Variants in RBFOX1 observed in about 807,000 individuals in gnomAD.
The protein encoded by RBFOX1 is RNA binding protein fox-1 homolog 1.
In RBFOX1, 8 loss-of-function variants were observed where a neutral mutation model predicts 57.7. That is an observed-to-expected ratio of 0.14 (90% CI 0.08 to 0.25). RBFOX1 has a LOEUF of 0.25. RBFOX1 is among the 10% of genes least tolerant of loss of function. The pLI, the probability that RBFOX1 is intolerant of heterozygous loss-of-function variation, is 1.00. For synonymous variants in RBFOX1, 326 were observed against 222.4 expected (o/e 1.47, Z -4.15); for missense variants, 611 against 548.5 (o/e 1.11, Z -1.14).
chr16:6,383,298 G>C (rs1046320887), intron 2 of RBFOX1, among the ~76,000 whole-genome samples: 1 of 152,210 alleles, frequency 6.6e-6, no homozygotes, highest in African/African-American at 2.4e-5. Context: ...CTTGGCATCA[G>C]TTGACTCTCC....
intron 3 of RBFOX1, among the ~76,000 whole-genome samples, chr16:6,950,134 T>C (rs1384507793): frequency 6.8e-6 from 1 of 148,020 alleles, no homozygotes; most frequent in Non-Finnish European, 1.5e-5. Context: ...TTTTTTTTTT[T>C]TTAAGTAGCC....
At chr16:6,629,020 A>T (rs770909418) in intron 2 of RBFOX1, among the ~76,000 whole-genome samples, 5 of 152,092 alleles carry the variant, frequency 3.3e-5, no homozygotes, top group African/African-American at 1.2e-4. Flanking sequence ...ACAGAGTAAG[A>T]CTCCATCTCA....
intron 11 of RBFOX1, among the ~76,000 whole-genome samples, chr16:7,637,260 C>A (rs1405791386): frequency 6.0e-5 from 8 of 133,806 alleles, no homozygotes; most frequent in African/African-American, 2.4e-4. Flanking sequence ...ACCCTGATAC[C>A]CTTCCCTCCT....
chr16:7,461,167 G>A (rs12932510), intron 4 of RBFOX1, among the ~76,000 whole-genome samples: 146,781 of 152,216 alleles, frequency 0.96, 70,805 homozygotes, highest in East Asian at 1. Context: ...AAAAACAAAG[G>A]CAAAACAATT....
At chr16:6,870,203 A>G in intron 3 of RBFOX1, among the ~76,000 whole-genome samples, 1 of 152,236 alleles carries the variant, frequency 6.6e-6, no homozygotes, top group Non-Finnish European at 1.5e-5. Context: ...TTTCATCTAG[A>G]ATTTTGCAGG....
At chr16:6,089,941 AT>A (rs1473349664) in intron 1 of RBFOX1, 1 of 152,152 alleles carries the variant, frequency 6.6e-6, no homozygotes, top group Admixed American at 6.6e-5. Flanking sequence ...AAGAATATGG[AT>A]TTAGTATCTT....
At chr16:6,539,374 G>A (rs547833089) in intron 2 of RBFOX1, among the ~76,000 whole-genome samples, 115 of 152,224 alleles carry the variant, frequency 7.6e-4, no homozygotes, top group Non-Finnish European at 1.1e-3. Flanking sequence ...AGCATTTAGC[G>A]TAGCATCTGG....
intron 2 of RBFOX1, among the ~76,000 whole-genome samples, chr16:6,435,952 A>AT (rs2153015529): frequency 6.6e-6 from 1 of 152,182 alleles, no homozygotes; most frequent in South Asian, 2.1e-4. Context: ...TTCACTTAGC[A>AT]TGTGATGGTT....
chr16:6,242,388 C>G (rs1420578261), intron 1 of RBFOX1, among the ~76,000 whole-genome samples: 3 of 151,644 alleles, frequency 2.0e-5, no homozygotes, highest in Non-Finnish European at 4.4e-5. Flanking sequence ...TAAAAAAAGT[C>G]TTTATTTTAT....
intron 1 of RBFOX1, among the ~76,000 whole-genome samples, chr16:6,254,079 C>G (rs1233600374): frequency 2.0e-5 from 3 of 152,108 alleles, no homozygotes; most frequent in Non-Finnish European, 2.9e-5. Flanking sequence ...AACTTACGAT[C>G]AAGGAATTCC....
In RBFOX1 at chr16:7,469,014, A is replaced by G. The variant is rs562119452; in HGVS notation, c.28-49133A>G. Among the ~76,000 whole-genome samples the G allele has an allele frequency of 1.1e-3, 173 of 152,000 alleles. 1 individual carries two copies. The highest frequency in any genetic ancestry group is 4.1e-3 in the African/African-American group (168 of 41,456). On this transcript the variant is annotated intron_variant, in intron 4 of 15. Coordinates refer to ENST00000550418, the MANE Select transcript of RBFOX1 (RefSeq NM_018723.4). ...AGTGTTGCCATCTCGGCTCGCTGCAAGCTCCACCGCCCAGGTTCACACCAT... is the reference window on the plus strand; with the variant it reads ...AGTGTTGCCATCTCGGCTCGCTGCAGGCTCCACCGCCCAGGTTCACACCAT...
intron 4 of RBFOX1, among the ~76,000 whole-genome samples, chr16:7,183,069 G>A (rs550024954): frequency 1.3e-5 from 2 of 152,120 alleles, no homozygotes; most frequent in Non-Finnish European, 2.9e-5. Context: ...GTATAAGTAA[G>A]CGAATGATCC....
chr16:7,705,905 C>G (rs2082278081), intron 14 of RBFOX1, among the ~76,000 whole-genome samples: 1 of 152,156 alleles, frequency 6.6e-6, no homozygotes, highest in African/African-American at 2.4e-5. Flanking sequence ...TGGAGATCAT[C>G]ATGATCTGAC....
At chr16:5,447,410 C>CTT in intron 1 of RBFOX1, among the ~76,000 whole-genome samples, 1 of 147,684 alleles carries the variant, frequency 6.8e-6, no homozygotes, top group African/African-American at 2.5e-5. Context: ...CTCTCTCTCT[C>CTT]GACGCAGTCT....
In RBFOX1 at chr16:5,454,771, TTCTTTCTTTCTTTCTTTC is replaced by T. The variant is rs1247277102; in HGVS notation, c.220-12426_220-12409del. ...TTTCTTTTCTTTTCTTTCTTTCTCTTTCTTTCTTTCTTTCTTTCTCTTTCTTTCTTTCTTTCCCTTTCC... is the reference window on the plus strand; with the variant it reads ...TTTCTTTTCTTTTCTTTCTTTCTCTTTCTTTCTTTCTTTCTTTCCCTTTCC... On this transcript the variant is annotated intron_variant, in intron 1 of 2. Transcript: ENST00000585867. 5.6e-5 allele frequency among the ~76,000 whole-genome samples: 8 copies of T among 143,412 alleles called. No individual in the cohort carries two copies. In the East Asian group the frequency reaches 1.0e-3, roughly 18 times the overall value. 94.1% of individuals were successfully genotyped at this position (143,412 alleles called of 152,430 possible).
intron 3 of RBFOX1, among the ~76,000 whole-genome samples, chr16:6,990,428 G>C (rs1368589288): frequency 6.6e-6 from 1 of 152,080 alleles, no homozygotes; most frequent in Admixed American, 6.5e-5. Flanking sequence ...AGGAGTCGGA[G>C]GCAGGAGAAT....
At chr16:6,043,951 A>G (rs78909180) in intron 1 of RBFOX1, among the ~76,000 whole-genome samples, 9,078 of 152,042 alleles carry the variant, frequency 0.06, 361 homozygotes, top group Non-Finnish European at 0.089. Flanking sequence ...CACCTCAGCC[A>G]TTTTGGCCCA....
At chr16:5,814,076 C>A (rs974271496) in intron 3 of RBFOX1, among the ~76,000 whole-genome samples, 5 of 152,126 alleles carry the variant, frequency 3.3e-5, no homozygotes, top group African/African-American at 1.2e-4. Flanking sequence ...AGTGACTAAC[C>A]TTCCATCTCG....
At chr16:5,626,094 G>T (rs539037921) in intron 3 of RBFOX1, among the ~76,000 whole-genome samples, 1 of 152,088 alleles carries the variant, frequency 6.6e-6, no homozygotes, top group African/African-American at 2.4e-5. Flanking sequence ...TGGTCAGGCT[G>T]GTCTCGAGCT....
Sources: gnomAD v4.1 joint callset for allele counts (sites outside exome capture counted in the v4.1 genomes callset) on GRCh38, gnomAD v4.1.1 for gene constraint, MANE v1.5 for transcripts, NCBI Gene and HGNC (gene_info 2026-07-23, HGNC 2026-07-21) for gene names.